Variants in HMGCLL1 observed in about 807,000 individuals in gnomAD.
HMGCLL1 encodes 3-hydroxy-3-methylglutaryl-CoA lyase like 1.
HMGCLL1 carries 36 observed loss-of-function variants against 39.1 expected under a neutral mutation model. That is an observed-to-expected ratio of 0.92 (90% CI 0.71 to 1.22). HMGCLL1 has a LOEUF of 1.22. Among genes scored for constraint, HMGCLL1 ranks in the 50% most tolerant of loss-of-function variants. The probability of loss-of-function intolerance (pLI) is 0.00; values close to 1 mark genes in which losing one functional copy is unlikely to be tolerated. For synonymous variants in HMGCLL1, 149 were observed against 144.0 expected (o/e 1.03, Z -0.25); for missense variants, 451 against 416.5 (o/e 1.08, Z -0.72).
At chr6:55,613,623 G>C in the HMGCLL1 span, among the ~76,000 whole-genome samples, 1 of 152,102 alleles carries the variant, frequency 6.6e-6, no homozygotes, top group East Asian at 1.9e-4. Flanking sequence ...CATGTCCTTT[G>C]CAGGGACATG....
intron 7 of HMGCLL1, among the ~76,000 whole-genome samples, chr6:55,445,237 A>T (rs1561884454): frequency 6.6e-6 from 1 of 151,932 alleles, no homozygotes; most frequent in Non-Finnish European, 1.5e-5. Flanking sequence ...AAATTTTCTC[A>T]ATGATACTGT....
intron 7 of HMGCLL1, among the ~76,000 whole-genome samples, chr6:55,452,449 G>A (rs1396906231): frequency 6.6e-6 from 1 of 152,164 alleles, no homozygotes; most frequent in Non-Finnish European, 1.5e-5. Context: ...GAGAAGTGAA[G>A]CATAGGTGAA....
chr6:55,518,517 C>T lies in HMGCLL1; in HGVS notation c.298-1914G>A, dbSNP rs1767866983. On this transcript the variant is annotated intron_variant, in intron 3 of 8. Coordinates refer to ENST00000274901, the MANE Select transcript of HMGCLL1 (RefSeq NM_001042406.2). ...GAAGCTGGGTAGACTGTGATTCCTC[C>T]AACTATTAGAATGTAGTGGAAATCA... 2.0e-5 allele frequency among the ~76,000 whole-genome samples: 3 copies of T among 152,070 alleles called. No homozygotes were observed. In the South Asian group the frequency reaches 6.2e-4, roughly 32 times the overall value.
At chr6:55,478,559 T>A (rs1304637864) in intron 7 of HMGCLL1, among the ~76,000 whole-genome samples, 1 of 151,456 alleles carries the variant, frequency 6.6e-6, no homozygotes, top group African/African-American at 2.4e-5. Flanking sequence ...ACGAAAATAT[T>A]GCATATAATC....
intron 7 of HMGCLL1, among the ~76,000 whole-genome samples, chr6:55,482,507 T>C (rs1765798698): frequency 6.6e-6 from 1 of 152,156 alleles, no homozygotes; most frequent in Non-Finnish European, 1.5e-5. Context: ...GCCTTGTATA[T>C]TTTCAAAGGA....
upstream of HMGCLL1, among the ~76,000 whole-genome samples, chr6:55,583,994 GT>G (rs112731411): frequency 5.0e-3 from 753 of 152,062 alleles, 9 homozygotes; most frequent in African/African-American, 0.017. Flanking sequence ...GAGACCAATG[GT>G]TCATGTTCAT....
chr6:55,599,111 C>T, the HMGCLL1 span, among the ~76,000 whole-genome samples: 3 of 151,898 alleles, frequency 2.0e-5, no homozygotes, highest in Non-Finnish European at 4.4e-5. Flanking sequence ...CAGGGCCTGT[C>T]GGGGGTTGCG....
chr6:55,541,799 T>C lies in HMGCLL1; in HGVS notation c.227A>G (p.Asn76Ser), dbSNP rs777948133. Residue 76 changes from asparagine to serine, a missense_variant, in exon 3 of 9, where the codon AAT (asparagine) becomes AGT (serine). Asn to Ser is a conservative substitution (Grantham distance 46). Transcript: ENST00000274901. ...VPTDIKIEFI[N>S]RLSQTGLSVI... ...AGACAAGCCAGTTTGGGAAAGTCGA[T>C]TGATAAATTCAATTTTTATATCTGT... 4.4e-6 allele frequency: 7 copies of C among 1,608,462 alleles called. No individual in the cohort carries two copies. The highest frequency in any genetic ancestry group is 1.3e-5 in the African/African-American group (1 of 74,822).
the HMGCLL1 span, among the ~76,000 whole-genome samples, chr6:55,622,942 G>A: frequency 8.6e-5 from 13 of 151,952 alleles, no homozygotes; most frequent in Non-Finnish European, 8.8e-5. Context: ...CTCATTACTT[G>A]ATATCAGTTC....
At chr6:55,552,146 A>C (rs1429515325) in intron 1 of HMGCLL1, among the ~76,000 whole-genome samples, 1 of 152,028 alleles carries the variant, frequency 6.6e-6, no homozygotes, top group Admixed American at 6.5e-5. Flanking sequence ...CACACAAAAA[A>C]GATAAATGAT....
chr6:55,498,411 C>G (rs1316171895), intron 6 of HMGCLL1, among the ~76,000 whole-genome samples: 1 of 152,040 alleles, frequency 6.6e-6, no homozygotes, highest in African/African-American at 2.4e-5. Flanking sequence ...TTTGAAAAAT[C>G]TGCAGTAGAT....
the HMGCLL1 span, among the ~76,000 whole-genome samples, chr6:55,673,461 C>T: frequency 3.3e-3 from 503 of 151,916 alleles, 5 homozygotes; most frequent in Middle Eastern, 0.01. Context: ...ATAACTGATG[C>T]AACATGACAT....
intron 7 of HMGCLL1, among the ~76,000 whole-genome samples, chr6:55,440,872 A>G (rs1471880390): frequency 1.3e-5 from 2 of 151,996 alleles, no homozygotes; most frequent in Non-Finnish European, 2.9e-5. Context: ...TCCCTTCTTT[A>G]CTTTTTTGAT....
At chr6:55,515,097 G>C (rs1228220553) in intron 4 of HMGCLL1, among the ~76,000 whole-genome samples, 1 of 151,658 alleles carries the variant, frequency 6.6e-6, no homozygotes, top group Non-Finnish European at 1.5e-5. Context: ...TACTAAAAAT[G>C]CAAAAATTAG....
intron 7 of HMGCLL1, among the ~76,000 whole-genome samples, chr6:55,441,377 G>A (rs1457149607): frequency 6.6e-6 from 1 of 152,070 alleles, no homozygotes; most frequent in Admixed American, 6.6e-5. Flanking sequence ...GATTTTACAA[G>A]GAAATGAAGA....
At chr6:55,478,623 T>G (rs1310312319) in intron 7 of HMGCLL1, among the ~76,000 whole-genome samples, 1 of 151,394 alleles carries the variant, frequency 6.6e-6, no homozygotes, top group Non-Finnish European at 1.5e-5. Flanking sequence ...AAAACAAATA[T>G]GGATATGGAT....
chr6:55,638,387 A>G, the HMGCLL1 span, among the ~76,000 whole-genome samples: 1 of 144,140 alleles, frequency 6.9e-6, no homozygotes, highest in Non-Finnish European at 1.5e-5. Context: ...AGCCTGGGCA[A>G]CAAGAGCGAA....
chr6:55,588,111 G>A, the HMGCLL1 span, among the ~76,000 whole-genome samples: 1 of 152,078 alleles, frequency 6.6e-6, no homozygotes, highest in Non-Finnish European at 1.5e-5. Flanking sequence ...ATTCTTCTCA[G>A]CACCACACCA....
the HMGCLL1 span, among the ~76,000 whole-genome samples, chr6:55,614,175 G>T: frequency 1.3e-5 from 2 of 152,038 alleles, no homozygotes. Context: ...ATAGGATGTG[G>T]ACTGAATTCT....
Sources: allele counts gnomAD v4.1 joint callset (sites outside exome capture counted in the v4.1 genomes callset), GRCh38; gene constraint gnomAD v4.1.1; transcripts MANE v1.5; gene names NCBI Gene and HGNC (gene_info 2026-07-23, HGNC 2026-07-21).